The following KIF1A variants were observed in gnomAD, a reference collection of about 807,000 sequenced individuals.
KIF1A encodes the protein kinesin-like protein KIF1A.
KIF1A carries 46 observed loss-of-function variants against 227.3 expected under a neutral mutation model. The ratio of observed to expected loss-of-function variants is 0.20; its 90% CI spans 0.16 to 0.26. KIF1A has a LOEUF of 0.26. Ranked by LOEUF, KIF1A falls within the 10% of genes least tolerant of loss-of-function variation. The probability of loss-of-function intolerance (pLI) is 1.00; values close to 1 mark genes in which losing one functional copy is unlikely to be tolerated. For synonymous variants in KIF1A, 1,022 were observed against 1,012.8 expected, an observed-to-expected ratio of 1.01 and a Z score of -0.17; for missense variants, 1,683 against 2,485.9, an observed-to-expected ratio of 0.68 and a Z score of 6.87.
intron 34 of KIF1A, among the ~76,000 whole-genome samples, chr2:240,742,010 A>G (rs981503183): frequency 6.6e-6 from 1 of 152,160 alleles, no homozygotes; most frequent in African/African-American, 2.4e-5. Flanking sequence ...ATGGATCTAC[A>G]GGTCTTTCTT....
intron 25 of KIF1A, 96 bp downstream of exon 25, chr2:240,760,569 A>G: frequency 1.1e-6 from 1 of 901,120 alleles, no homozygotes; most frequent in Non-Finnish European, 1.6e-6. Flanking sequence ...GTCTGCAGGT[A>G]CTCGCTGTGA....
intron 47 of KIF1A, among the ~76,000 whole-genome samples, chr2:240,718,618 G>A (rs766888075): frequency 6.6e-6 from 1 of 152,268 alleles, no homozygotes; most frequent in Non-Finnish European, 1.5e-5. Context: ...CAGACGGAGG[G>A]GCTGGGCAGA....
rs2047312049 is a variant in KIF1A, at chr2:240,736,284, A to G, written c.4007+779T>C. 6.6e-6 allele frequency among the ~76,000 whole-genome samples: 1 copy of G among 152,062 alleles called. No individual in the cohort carries two copies. Among genetic ancestry groups the G allele is most frequent in the Admixed American group, 6.5e-5 (1 of 15,280 alleles). Reference sequence around the variant, plus strand: ...AGGGTCCACTCTGGGCTTGTGCATCATGAGCCAGGTCGAGCCCCCAGGGAG... The same window carrying G: ...AGGGTCCACTCTGGGCTTGTGCATCGTGAGCCAGGTCGAGCCCCCAGGGAG... On this transcript the variant is annotated intron_variant, in intron 38 of 48. Coordinates refer to ENST00000498729, the MANE Select transcript of KIF1A (RefSeq NM_001244008.2). This position sits in a 1 kb window ranked among gnomAD's most constrained non-coding sequence, Gnocchi z 4.7.
At chr2:240,776,719 G>C (rs1386307692) in intron 10 of KIF1A, among the ~76,000 whole-genome samples, 2 of 152,186 alleles carry the variant, frequency 1.3e-5, no homozygotes, top group African/African-American at 2.4e-5. Flanking sequence ...GCACCTGCTG[G>C]GCCGGCAGAT....
At chr2:240,738,041 C>T (rs574429646) in intron 37 of KIF1A, among the ~76,000 whole-genome samples, 2 of 152,358 alleles carry the variant, frequency 1.3e-5, no homozygotes, top group East Asian at 3.9e-4. Flanking sequence ...AGTGCCCTTC[C>T]CCACGCCAGG....
chr2:240,738,564 C>T (rs1043134365), intron 37 of KIF1A, among the ~76,000 whole-genome samples: 1 of 152,150 alleles, frequency 6.6e-6, no homozygotes, highest in African/African-American at 2.4e-5. Context: ...TGCTCTGTGC[C>T]CTGAGTCCAA....
chr2:240,731,598 G>C (rs558835254), intron 38 of KIF1A, among the ~76,000 whole-genome samples: 1 of 152,330 alleles, frequency 6.6e-6, no homozygotes, highest in Non-Finnish European at 1.5e-5. Flanking sequence ...TGGCCTCAGA[G>C]GCAGTGCAGG....
chr2:240,734,861 G>A (rs2047144209), intron 38 of KIF1A: 2 of 767,986 alleles, frequency 2.6e-6, no homozygotes, highest in African/African-American at 1.8e-5. Flanking sequence ...GAGCCAGGGA[G>A]GCTGCAAAGC....
At chr2:240,750,634 C>T (rs1455115480) in intron 27 of KIF1A, 87 bp from the exon 28 acceptor site, 10 of 966,064 alleles carry the variant, frequency 1.0e-5, no homozygotes, top group Non-Finnish European at 1.6e-5. Flanking sequence ...TGGCTCACGA[C>T]ACAACATGGA....
In KIF1A at chr2:240,766,895, G is replaced by A. The variant is rs1310432484; in HGVS notation, c.1684+20C>T. On this transcript the variant is annotated intron_variant, in intron 19 of 48. Transcript: ENST00000498729. This position sits in a 1 kb window ranked among gnomAD's most constrained non-coding sequence, Gnocchi z 5.0. Reference sequence around the variant, plus strand: ...GGCACAGGGGCATGGGTGCGGGTAGGGACGGTAGGGTGGTGATACCTTCGC... The same window carrying A: ...GGCACAGGGGCATGGGTGCGGGTAGAGACGGTAGGGTGGTGATACCTTCGC... The A allele has an allele frequency of 2.6e-6, 4 of 1,556,724 alleles. No homozygotes were observed. In the African/African-American group the frequency reaches 5.4e-5, roughly 21 times the overall value.
chr2:240,815,714 G>A (rs2058267338), intron 1 of KIF1A, among the ~76,000 whole-genome samples: 1 of 152,136 alleles, frequency 6.6e-6, no homozygotes, highest in South Asian at 2.1e-4. Flanking sequence ...TAATGGGGGT[G>A]GAGGAGAAAG....
rs1407296550 is a variant in KIF1A at position 240,811,152 on chromosome 2, A to C, written c.-61+8970T>G. 2.0e-5 allele frequency among the ~76,000 whole-genome samples: 3 copies of C among 152,208 alleles called. No homozygotes were observed. In the East Asian group the frequency reaches 5.8e-4, roughly 29 times the overall value. On this transcript the variant is annotated intron_variant, in intron 1 of 48. Coordinates refer to ENST00000498729, the MANE Select transcript of KIF1A (RefSeq NM_001244008.2). ...CGAGGTGGGCAGATCACTTGAGGTCAGGAGTTAGTGGCCACCCTGGCTTGT... is the reference window on the plus strand; with the variant it reads ...CGAGGTGGGCAGATCACTTGAGGTCCGGAGTTAGTGGCCACCCTGGCTTGT...
At chr2:240,812,341 G>A (rs1281896871) in intron 1 of KIF1A, among the ~76,000 whole-genome samples, 1 of 152,200 alleles carries the variant, frequency 6.6e-6, no homozygotes, top group Admixed American at 6.5e-5. Context: ...GGGTGACGGT[G>A]AGGGCCAGAC....
At chr2:240,734,826 C>A in intron 38 of KIF1A, 4 of 1,061,752 alleles carry the variant, frequency 3.8e-6, no homozygotes, top group Non-Finnish European at 3.9e-6. Context: ...CAGAGGGAAG[C>A]GGCCTGTGGC....
chr2:240,781,441 A>ACACACACACAGCTC (rs2053959069), intron 10 of KIF1A, among the ~76,000 whole-genome samples: 1 of 59,482 alleles, frequency 1.7e-5, no homozygotes, highest in African/African-American at 1.6e-4. Flanking sequence ...CCACACACAC[A>ACACACACACAGCTC]CACACACACA....
intron 27 of KIF1A, among the ~76,000 whole-genome samples, chr2:240,756,170 G>A (rs535464404): frequency 2.2e-4 from 34 of 152,068 alleles, no homozygotes; most frequent in Non-Finnish European, 3.8e-4. Flanking sequence ...TGCGATCTGG[G>A]GCCACCCTTA....
rs2049379358 is a variant in KIF1A, at chr2:240,752,777, G to C, written c.2859-2230C>G. Among the ~76,000 whole-genome samples, 2 of 152,076 alleles carry C rather than the reference G, an allele frequency of 1.3e-5. No individual in the cohort carries two copies. Among genetic ancestry groups the C allele is most frequent in the African/African-American group, 4.8e-5 (2 of 41,420 alleles). On this transcript the variant is annotated intron_variant, in intron 27 of 48. Coordinates refer to ENST00000498729, the MANE Select transcript of KIF1A (RefSeq NM_001244008.2). This position sits in a 1 kb window ranked among gnomAD's most constrained non-coding sequence, Gnocchi z 6.4. ...AGGGCAGAAGGGCACTGAGGATGAA[G>C]AGACTGCCCCCACCCCACTCTGCAG... is the stretch of plus-strand genomic sequence containing the variant.
At position 240,757,396 on chromosome 2, in the gene KIF1A, G is replaced by A. The variant is rs938196616; in HGVS notation, c.2781C>T (p.Asp927=). Residue 927 remains aspartate, a synonymous_variant, in exon 27 of 49, where the codon GAC becomes GAT. Transcript: ENST00000498729. This position sits in a 1 kb window ranked among gnomAD's most constrained non-coding sequence, Gnocchi z 6.2. ...EDEEEEDLED[D]VFPEHALCDG... ...CGCACAGCGCGTGCTCCGGAAAGACGTCGTCCTCCAGGTCCTCCTCCTCCT... is the reference window on the plus strand; with the variant it reads ...CGCACAGCGCGTGCTCCGGAAAGACATCGTCCTCCAGGTCCTCCTCCTCCT... The A allele has an allele frequency of 3.9e-6, 6 of 1,549,000 alleles. No individual in the cohort carries two copies. The highest frequency in any genetic ancestry group is 2.6e-6 in the Non-Finnish European group (3 of 1,146,818).
rs528086112 is a variant in KIF1A, at chr2:240,760,572, C to T, written c.2444+93G>A. On this transcript the variant is annotated intron_variant, in intron 25 of 48. Coordinates refer to ENST00000498729, the MANE Select transcript of KIF1A (RefSeq NM_001244008.2). The stretch of plus-strand genomic sequence containing the variant: ...AGGAACAGCGGTGTCTGCAGGTACT[C>T]GCTGTGAAGCCTGTGCCTACCACCG... 17 of 981,196 alleles carry T rather than the reference C, an allele frequency of 1.7e-5. No individual in the cohort carries two copies. In the East Asian group the frequency reaches 2.2e-4, roughly 13 times the overall value. The allele number at this position is 981,196 out of a possible 1,614,324, so 60.8% of individuals were successfully genotyped here. A position where few individuals can be genotyped will look rare whatever the true frequency, so the allele number is the denominator to read the frequency against.
Sources: allele counts gnomAD v4.1 joint callset (sites outside exome capture counted in the v4.1 genomes callset), GRCh38; gene constraint gnomAD v4.1.1; non-coding constraint Gnocchi (gnomAD v3.1); transcripts MANE v1.5; gene names NCBI Gene and HGNC (gene_info 2026-07-23, HGNC 2026-07-21).